Variants in LRP1B observed in about 807,000 individuals in gnomAD.
LRP1B encodes LDL receptor related protein 1B.
LRP1B carries 217 observed loss-of-function variants against 556.6 expected under a neutral mutation model. The observed-to-expected ratio is 0.39, with a 90% CI of 0.35 to 0.44. LRP1B has a LOEUF of 0.44. Ranked by LOEUF, LRP1B falls within the 20% of genes least tolerant of loss-of-function variation. The pLI, the probability that LRP1B is intolerant of heterozygous loss-of-function variation, is 1.00. For synonymous variants in LRP1B, 2,047 were observed against 1,865.8 expected (o/e 1.10, Z -2.50); for missense variants, 5,053 against 5,620.8 (o/e 0.90, Z 3.23).
intron 1 of LRP1B, among the ~76,000 whole-genome samples, chr2:141,989,580 C>T (rs970262746): frequency 2.0e-5 from 3 of 152,000 alleles, no homozygotes; most frequent in African/African-American, 7.2e-5. Context: ...CCACCCAAAT[C>T]ACACCTTGAA....
chr2:141,550,888 A>G (rs958063783), intron 2 of LRP1B, among the ~76,000 whole-genome samples: 6 of 152,096 alleles, frequency 3.9e-5, no homozygotes, highest in African/African-American at 1.2e-4. Context: ...CATATGCCAT[A>G]TATTATTAAT....
chr2:140,951,477 C>CA (rs1573914784), intron 19 of LRP1B, among the ~76,000 whole-genome samples: 2 of 152,180 alleles, frequency 1.3e-5, no homozygotes, highest in East Asian at 3.9e-4. Flanking sequence ...AGGAAACTGA[C>CA]AGAGTTGAGA....
chr2:141,252,674 T>C (rs1353055667), intron 4 of LRP1B, among the ~76,000 whole-genome samples: 1 of 152,180 alleles, frequency 6.6e-6, no homozygotes, highest in East Asian at 1.9e-4. Context: ...ATATGATCGA[T>C]TATCTCTTTT....
chr2:140,247,882 TTA>T (rs1189979719), intron 86 of LRP1B, among the ~76,000 whole-genome samples: 1 of 151,670 alleles, frequency 6.6e-6, no homozygotes, highest in Non-Finnish European at 1.5e-5. Context: ...TGGAACAGTT[TTA>T]GTTGTGTTTA....
intron 7 of LRP1B, among the ~76,000 whole-genome samples, chr2:141,069,151 G>T (rs895064374): frequency 6.6e-5 from 10 of 151,918 alleles, no homozygotes; most frequent in Non-Finnish European, 1.2e-4. Flanking sequence ...AAGTACAAAT[G>T]CAGTCCATCC....
At position 142,043,528 on chromosome 2, in the gene LRP1B, G is replaced by A. The variant is rs78280191; in HGVS notation, c.82+87120C>T. Among the ~76,000 whole-genome samples the A allele has an allele frequency of 3.8e-3, 584 of 151,700 alleles. 6 individuals are homozygous for A. The East Asian group carries it at 0.048, about 12-fold the overall frequency. On this transcript the variant is annotated intron_variant, in intron 1 of 90. Transcript: ENST00000389484. ...GAGAAAAAAATAGTGTTTATATTTT[G>A]GATGTCAGCTGAACAGTTAGTAGAC...
intron 75 of LRP1B, among the ~76,000 whole-genome samples, chr2:140,353,598 C>T (rs1682073605): frequency 6.6e-6 from 1 of 152,036 alleles, no homozygotes; most frequent in African/African-American, 2.4e-5. Flanking sequence ...TTCTACTCAT[C>T]TTTCAAGATC....
At chr2:141,771,013 C>A (rs1218984428) in intron 2 of LRP1B, among the ~76,000 whole-genome samples, 2 of 152,168 alleles carry the variant, frequency 1.3e-5, no homozygotes, top group African/African-American at 4.8e-5. Context: ...GGACTGACTT[C>A]TCGTGTTTTA....
intron 2 of LRP1B, among the ~76,000 whole-genome samples, chr2:141,537,986 G>A (rs1383514350): frequency 2.6e-5 from 4 of 152,122 alleles, no homozygotes; most frequent in Admixed American, 6.6e-5. Flanking sequence ...AGTTTTCTCC[G>A]AACATTGTAT....
At chr2:140,804,849 G>A (rs889442499) in intron 32 of LRP1B, among the ~76,000 whole-genome samples, 4 of 151,918 alleles carry the variant, frequency 2.6e-5, no homozygotes, top group East Asian at 1.9e-4. Context: ...TGCAGATGGT[G>A]TCTGAAAGTA....
At chr2:141,269,664 A>G (rs1685014154) in intron 3 of LRP1B, among the ~76,000 whole-genome samples, 1 of 152,100 alleles carries the variant, frequency 6.6e-6, no homozygotes, top group Non-Finnish European at 1.5e-5. Flanking sequence ...ACAAAAATAA[A>G]CCCCACTGTG....
At chr2:142,080,104 A>T (rs1705657178) in intron 1 of LRP1B, among the ~76,000 whole-genome samples, 1 of 152,094 alleles carries the variant, frequency 6.6e-6, no homozygotes, top group Non-Finnish European at 1.5e-5. Context: ...TGGTTAAAAA[A>T]AAAAACCCCA....
intron 6 of LRP1B, among the ~76,000 whole-genome samples, chr2:141,220,328 A>G (rs1456795066): frequency 6.6e-6 from 1 of 152,204 alleles, no homozygotes; most frequent in Non-Finnish European, 1.5e-5. Flanking sequence ...AGGATATCAG[A>G]GCATGAAGAC....
intron 1 of LRP1B, among the ~76,000 whole-genome samples, chr2:141,848,103 A>AC (rs1188927271): frequency 2.0e-5 from 3 of 151,644 alleles, no homozygotes; most frequent in Non-Finnish European, 4.4e-5. Context: ...ATAAAATGCA[A>AC]CTTACAATGT....
intron 66 of LRP1B, among the ~76,000 whole-genome samples, chr2:140,436,545 G>A (rs13003828): frequency 0.32 from 48,096 of 151,130 alleles, 8,105 homozygotes; most frequent in African/African-American, 0.35. Context: ...ATGCCGAGAA[G>A]TGGAAAGCAG....
chr2:141,195,806 C>G (rs1681727167), intron 6 of LRP1B, among the ~76,000 whole-genome samples: 1 of 152,144 alleles, frequency 6.6e-6, no homozygotes, highest in African/African-American at 2.4e-5. Flanking sequence ...TTGTCCCATC[C>G]TCAAGAAGGG....
intron 3 of LRP1B, among the ~76,000 whole-genome samples, chr2:141,389,634 G>T (rs1689972632): frequency 6.6e-6 from 1 of 152,014 alleles, no homozygotes; most frequent in Admixed American, 6.6e-5. Flanking sequence ...AGATAAACTG[G>T]ACTTCATCAA....
intron 2 of LRP1B, among the ~76,000 whole-genome samples, chr2:141,487,532 G>C (rs897813960): frequency 6.6e-6 from 1 of 152,008 alleles, no homozygotes; most frequent in African/African-American, 2.4e-5. Flanking sequence ...TCAATTGCTG[G>C]TCACAACAAA....
In LRP1B at chr2:140,302,468, T is replaced by C. The variant is rs1397833343; in HGVS notation, c.12806-4499A>G. ...TACTTCATATTCAAGTTGCACTCTG[T>C]TAGTTAGCAAAGTGCTTTGCTAGAT... On this transcript the variant is annotated intron_variant, in intron 83 of 90. Transcript: ENST00000389484. Among the ~76,000 whole-genome samples the C allele has an allele frequency of 2.6e-5, 4 of 152,278 alleles. No individual in the cohort carries two copies. In the East Asian group the frequency reaches 5.8e-4, roughly 22 times the overall value.
Sources: gnomAD v4.1 joint callset for allele counts (sites outside exome capture counted in the v4.1 genomes callset) on GRCh38, gnomAD v4.1.1 for gene constraint, MANE v1.5 for transcripts, NCBI Gene and HGNC (gene_info 2026-07-23, HGNC 2026-07-21) for gene names.